Variants in KANK2 observed in about 807,000 individuals in gnomAD.
KANK2 encodes KN motif and ankyrin repeat domain-containing protein 2.
A neutral mutation model predicts 74.6 loss-of-function variants in KANK2; 41 were observed. The ratio of observed to expected loss-of-function variants is 0.55; its 90% CI spans 0.43 to 0.71. KANK2 has a LOEUF of 0.71. Among genes scored for constraint, KANK2 ranks in the 30% least tolerant of loss-of-function variants. The probability of loss-of-function intolerance (pLI) is 0.00; values close to 1 mark genes in which losing one functional copy is unlikely to be tolerated. For missense variants in KANK2, 1,148 were observed against 1,196.4 expected, an observed-to-expected ratio of 0.96 and a Z score of 0.60; for synonymous variants, 537 against 519.0, an observed-to-expected ratio of 1.03 and a Z score of -0.47.
In KANK2 at chr19:11,176,720, T is replaced by C. The variant is rs1326155800; in HGVS notation, c.1618A>G (p.Ser540Gly). ...EAPEPRERVPSVAEAPQLRPA... is the reference protein window; with the variant it reads ...EAPEPRERVPGVAEAPQLRPA... ...CTGAGCTGGGGGGCTTCGGCCACAC[T>C]CGGAACCCTCTCCCTCGGCTCTGGG... The change falls in exon 7 of 13, where the codon AGT becomes GGT. Residue 540 changes from serine to glycine, a missense_variant. By Grantham distance (56) the Ser-to-Gly change is moderately conservative. Transcript: ENST00000586659. 1.9e-6 allele frequency: 3 copies of C among 1,611,486 alleles called. No individual in the cohort carries two copies. Among genetic ancestry groups the C allele is most frequent in the Admixed American group, 3.4e-5 (2 of 59,476 alleles).
rs950510152 is a variant in KANK2 at position 11,164,513 on chromosome 19, A to G, written c.*2045T>C. ...CTCAGGGGTCACGCATTCCTGGGCCAAGGAGTTGCTTCTAAGAGCTTAAAA... is the reference window on the plus strand; with the variant it reads ...CTCAGGGGTCACGCATTCCTGGGCCGAGGAGTTGCTTCTAAGAGCTTAAAA... On this transcript the variant is annotated 3_prime_UTR_variant, in exon 13 of 13. Transcript: ENST00000586659. 1 of 152,160 alleles carries G rather than the reference A, an allele frequency of 6.6e-6. No individual in the cohort carries two copies. Among genetic ancestry groups the G allele is most frequent in the African/African-American group, 2.4e-5 (1 of 41,442 alleles). The allele number at this position is 152,160 out of a possible 1,614,324, so 9.4% of individuals were successfully genotyped here.
At chr19:11,188,942 G>T (rs1011216319) in intron 4 of KANK2, among the ~76,000 whole-genome samples, 1 of 149,720 alleles carries the variant, frequency 6.7e-6, no homozygotes, top group African/African-American at 2.5e-5. Flanking sequence ...CGGAGATAGC[G>T]CCATTGCACA....
Position 11,173,122 on chromosome 19 carries a change from A to C in KANK2, c.2070T>G (p.Gly690=). The C allele has an allele frequency of 6.2e-7, 1 of 1,612,190 alleles. No homozygotes were observed. Among genetic ancestry groups the C allele is most frequent in the South Asian group, 1.1e-5 (1 of 90,938 alleles). ...GGTTCTGTTTGTCCACCTTGCAGAC[A>C]CCTAAGAGACATGGTGTGAACCCTC... ...FPVVQQLLDS[G]VCKVDKQNRA... The change falls in exon 10 of 13, where the codon GGT becomes GGG. Residue 690 remains glycine, a splice_region_variant and synonymous_variant. Coordinates refer to ENST00000586659, the MANE Select transcript of KANK2 (RefSeq NM_001136191.3).
At position 11,194,026 on chromosome 19, in the gene KANK2, G is replaced by A; in HGVS notation, c.54C>T (p.Ala18=). ...CCTTGGCAGGGAAGGCAGGTGGGGA[G>A]GCTGGGCCAGGGGTCCCTGGGGATG... ...PAPFPGTPGP[A]SPPAFPAKDP... The change falls in exon 4 of 13, where the codon GCC becomes GCT. Residue 18 remains alanine, a synonymous_variant. Transcript: ENST00000586659. The A allele has an allele frequency of 6.2e-7, 1 of 1,608,818 alleles. No individual in the cohort carries two copies. Among genetic ancestry groups the A allele is most frequent in the Non-Finnish European group, 8.5e-7 (1 of 1,176,760 alleles).
intron 1 of KANK2, 199 bp downstream of exon 1, chr19:11,197,286 A>T (rs1166120135): frequency 3.2e-5 from 4 of 125,292 alleles, no homozygotes; most frequent in African/African-American, 1.2e-4. Flanking sequence ...AGGAGGGGGC[A>T]GGGACGCGGG....
rs756760748 is a variant in KANK2 at position 11,193,451 on chromosome 19, G to A, written c.629C>T (p.Pro210Leu). The A allele has an allele frequency of 1.2e-6, 2 of 1,612,232 alleles. No homozygotes were observed. The highest frequency in any genetic ancestry group is 1.7e-6 in the Non-Finnish European group (2 of 1,179,956). ...RQLEEQVKLI[P>L]VLQVKLSVLQ... ...CACCGAGAGCTTCACCTGGAGCACA[G>A]GGATCAGCTTCACCTGCTCCTCCAG... The change falls in exon 4 of 13, where the codon CCT (proline) becomes CTT (leucine). Residue 210 changes from proline to leucine, a missense_variant. Coordinates refer to ENST00000586659, the MANE Select transcript of KANK2 (RefSeq NM_001136191.3). This position sits in a 1 kb window ranked among gnomAD's most constrained non-coding sequence, Gnocchi z 9.6.
chr19:11,177,284 C>T lies in KANK2; in HGVS notation c.1521-467G>A, dbSNP rs548386603. Reference sequence around the variant, plus strand: ...GTATTTTTTAGTAGAGTCGGGGTTTCGCCATGTTGCCATGTTGGCCAGGCT... The same window carrying T: ...GTATTTTTTAGTAGAGTCGGGGTTTTGCCATGTTGCCATGTTGGCCAGGCT... On this transcript the variant is annotated intron_variant, in intron 6 of 12. Coordinates refer to ENST00000586659, the MANE Select transcript of KANK2 (RefSeq NM_001136191.3). Among the ~76,000 whole-genome samples, 74 of 152,076 alleles carry T rather than the reference C, an allele frequency of 4.9e-4. 1 individual carries two copies. Among genetic ancestry groups the T allele is most frequent in the Admixed American group, 1.7e-3 (26 of 15,268 alleles).
chr19:11,177,953 G>A lies in KANK2; in HGVS notation c.1520+392C>T, dbSNP rs564619136. ...CTCCTCCTTCTGGGACTCCCCTAGG[G>A]CCACCTGTGTCTTTCTTGAGGACCT... On this transcript the variant is annotated intron_variant, in intron 6 of 12. Coordinates refer to ENST00000586659, the MANE Select transcript of KANK2 (RefSeq NM_001136191.3). Among the ~76,000 whole-genome samples the A allele has an allele frequency of 2.2e-4, 34 of 152,170 alleles. No homozygotes were observed. In the East Asian group the frequency reaches 6.6e-3, roughly 29 times the overall value.
In KANK2 at chr19:11,166,311, T is replaced by C; in HGVS notation, c.*247A>G. The C allele has an allele frequency of 2.2e-6, 1 of 452,668 alleles. No individual in the cohort carries two copies. Among genetic ancestry groups the C allele is most frequent in the Non-Finnish European group, 3.9e-6 (1 of 254,110 alleles). The allele number at this position is 452,668 out of a possible 1,614,324, so 28.0% of individuals were successfully genotyped here. ...CAGCATCAGCCCTGGCGCCAATGTA[T>C]ACAAGAATTTTGCTTCGGTCTGCGC... On this transcript the variant is annotated 3_prime_UTR_variant, in exon 13 of 13. Coordinates refer to ENST00000586659, the MANE Select transcript of KANK2 (RefSeq NM_001136191.3).
rs773620549 is a variant in KANK2, at chr19:11,193,767, G to A, written c.313C>T (p.Arg105Cys). The change falls in exon 4 of 13, where the codon CGT becomes TGT. Residue 105 changes from arginine (R) to cysteine (C), a missense_variant. Transcript: ENST00000586659. The surrounding 1 kb of genome is among the most constrained non-coding windows in gnomAD (Gnocchi z 9.6). ...SRHSAYSYCG[R>C]GFYPQYGALE... ...GCACCATACTGAGGGTAGAAGCCAC[G>A]GCCGCAGTAGGAATAGGCTGAGTGG... 8 of 1,612,614 alleles carry A rather than the reference G, an allele frequency of 5.0e-6. No individual in the cohort carries two copies. The Admixed American group carries it at 6.7e-5, about 13-fold the overall frequency.
At chr19:11,184,038 C>A (rs1482818629) in intron 4 of KANK2, among the ~76,000 whole-genome samples, 1 of 152,240 alleles carries the variant, frequency 6.6e-6, no homozygotes, top group East Asian at 1.9e-4. Context: ...TTCTTCCAAG[C>A]ACAATCCACA....
At chr19:11,192,067 C>A (rs781223447) in intron 4 of KANK2, among the ~76,000 whole-genome samples, 1 of 152,042 alleles carries the variant, frequency 6.6e-6, no homozygotes, top group Admixed American at 6.6e-5. Context: ...CTCTTAATAA[C>A]GACAACAAGA....
chr19:11,173,217 C>CAT, intron 9 of KANK2, 94 bp from the exon 10 acceptor site: 1 of 1,368,202 alleles, frequency 7.3e-7, no homozygotes, highest in African/African-American at 1.4e-5. Flanking sequence ...TCAGTCTAGG[C>CAT]ATGCCCTAAT....
chr19:11,167,306 C>G (rs2147357769), intron 12 of KANK2, among the ~76,000 whole-genome samples: 1 of 152,184 alleles, frequency 6.6e-6, no homozygotes, highest in South Asian at 2.1e-4. Flanking sequence ...CTCAGGTGAT[C>G]CGCCCATCTT....
intron 4 of KANK2, among the ~76,000 whole-genome samples, chr19:11,188,579 G>C (rs1007101330): frequency 6.8e-6 from 1 of 146,938 alleles, no homozygotes; most frequent in African/African-American, 2.5e-5. Context: ...TCAACCCCTT[G>C]ATAAGCCCGA....
rs1002717542 is a variant in KANK2 at position 11,170,011 on chromosome 19, C to T, written c.2412+37G>A. The stretch of plus-strand genomic sequence containing the variant: ...ATGAATGACGTCCCCATGCTGTGCT[C>T]CCGCCCTCCCCGGGGTGCACCTGGT... On this transcript the variant is annotated intron_variant, in intron 11 of 12. Transcript: ENST00000586659. This position sits in a 1 kb window ranked among gnomAD's most constrained non-coding sequence, Gnocchi z 5.2. 3.7e-6 allele frequency: 6 copies of T among 1,611,902 alleles called. No homozygotes were observed. The Admixed American group carries it at 1.0e-4, about 27-fold the overall frequency.
At chr19:11,179,317 C>CA (rs34690548) in intron 4 of KANK2, among the ~76,000 whole-genome samples, 4,403 of 97,170 alleles carry the variant, frequency 0.045, 184 homozygotes, top group East Asian at 0.13. Flanking sequence ...CCCTGCCTCT[C>CA]AAAAAAAAAA....
rs967378993 is a variant in KANK2, at chr19:11,193,221, C to T, written c.859G>A (p.Ala287Thr). ...TGGGTCTCCAGCACAGCGACCTTGGCGGCGAGGGCAGCCTCCCCATCAGGC... is the reference window on the plus strand; with the variant it reads ...TGGGTCTCCAGCACAGCGACCTTGGTGGCGAGGGCAGCCTCCCCATCAGGC... ...GMPDGEAALA[A>T]KVAVLETQLK... The change falls in exon 4 of 13, where the codon GCC (alanine) becomes ACC (threonine). Residue 287 changes from alanine to threonine, a missense_variant. Transcript: ENST00000586659. The surrounding 1 kb of genome is among the most constrained non-coding windows in gnomAD (Gnocchi z 9.6). 28 of 1,609,288 alleles carry T rather than the reference C, an allele frequency of 1.7e-5. 1 individual carries two copies. In the African/African-American group the frequency reaches 2.1e-4, roughly 12 times the overall value.
At chr19:11,195,903 G>A (rs1307560291) in intron 1 of KANK2, 83 bp from the exon 2 acceptor site, 1 of 141,126 alleles carries the variant, frequency 7.1e-6, no homozygotes, top group Admixed American at 7.4e-5. Flanking sequence ...AAAGTTGATT[G>A]AAAATATTTT....
Sources: allele counts gnomAD v4.1 joint callset (sites outside exome capture counted in the v4.1 genomes callset), GRCh38; gene constraint gnomAD v4.1.1; non-coding constraint Gnocchi (gnomAD v3.1); transcripts MANE v1.5; gene names NCBI Gene and HGNC (gene_info 2026-07-23, HGNC 2026-07-21).